YARS1: variants seen among roughly 807,000 people sequenced by gnomAD.
The protein encoded by YARS1 is tyrosyl-tRNA synthetase 1.
A neutral mutation model predicts 62.2 loss-of-function variants in YARS1; 36 were observed. The ratio of observed to expected loss-of-function variants is 0.58; its 90% CI spans 0.44 to 0.76. The LOEUF (loss-of-function observed/expected upper bound fraction) is 0.76. Among genes scored for constraint, YARS1 ranks in the 30% least tolerant of loss-of-function variants. The probability of loss-of-function intolerance (pLI) is 0.00; values close to 1 mark genes in which losing one functional copy is unlikely to be tolerated. For synonymous variants in YARS1, 234 were observed against 244.9 expected, an observed-to-expected ratio of 0.96 and a Z score of 0.42; for missense variants, 524 against 639.8, an observed-to-expected ratio of 0.82 and a Z score of 1.95.
intron 4 of YARS1, among the ~76,000 whole-genome samples, chr1:32,804,677 C>T (rs1638405831): frequency 6.6e-6 from 1 of 151,562 alleles, no homozygotes; most frequent in African/African-American, 2.4e-5. Flanking sequence ...AGACGATGGG[C>T]AGCCGGGCAG....
rs1469206669 is a variant in YARS1, at chr1:32,782,993, T to C, written c.907-454A>G. Reference sequence around the variant, plus strand: ...TGTGTGCGACTCCAAACTAGGCACATAACCCCTCTAAGCTTTGGCTGCTGC... The same window carrying C: ...TGTGTGCGACTCCAAACTAGGCACACAACCCCTCTAAGCTTTGGCTGCTGC... On this transcript the variant is annotated intron_variant, in intron 8 of 12. Transcript: ENST00000373477. 3 of 188,354 alleles carry C rather than the reference T, an allele frequency of 1.6e-5. No homozygotes were observed. The East Asian group carries it at 4.1e-4, about 26-fold the overall frequency. The allele number at this position is 188,354 out of a possible 1,614,324, so 11.7% of individuals were successfully genotyped here. A position where few individuals can be genotyped will look rare whatever the true frequency, so the allele number is the denominator to read the frequency against.
intron 1 of YARS1, among the ~76,000 whole-genome samples, chr1:32,815,035 T>TG (rs1638671765): frequency 6.6e-6 from 1 of 152,168 alleles, no homozygotes; most frequent in African/African-American, 2.4e-5. Flanking sequence ...TCCAAGAAGA[T>TG]GTCACATTAC....
chr1:32,780,977 G>A lies in YARS1; in HGVS notation c.1140+71C>T, dbSNP rs986311320. 2.1e-5 allele frequency: 30 copies of A among 1,438,786 alleles called. No individual in the cohort carries two copies. In the African/African-American group the frequency reaches 2.7e-4, roughly 13 times the overall value. The allele number at this position is 1,438,786 out of a possible 1,614,324, so 89.1% of individuals were successfully genotyped here. A position where few individuals can be genotyped will look rare whatever the true frequency, so the allele number is the denominator to read the frequency against. On this transcript the variant is annotated intron_variant, in intron 10 of 12. Coordinates refer to ENST00000373477, the MANE Select transcript of YARS1 (RefSeq NM_003680.4). ...ATGTTACTTCCCATCTCCAGGCCAC[G>A]TTTCCTCCGGATGGAAACAGACAAA... is the stretch of plus-strand genomic sequence containing the variant.
chr1:32,795,610 T>C (rs995254942), intron 5 of YARS1, among the ~76,000 whole-genome samples: 1 of 151,158 alleles, frequency 6.6e-6, no homozygotes, highest in African/African-American at 2.4e-5. Flanking sequence ...ATCAAGACCA[T>C]TCCTGGCCAA....
At chr1:32,804,140 T>G (rs1638380172) in intron 4 of YARS1, among the ~76,000 whole-genome samples, 1 of 152,264 alleles carries the variant, frequency 6.6e-6, no homozygotes, top group Non-Finnish European at 1.5e-5. Flanking sequence ...GTCTACCTCT[T>G]TCCACACAGA....
chr1:32,781,101 C>T lies in YARS1; in HGVS notation c.1087G>A (p.Val363Ile). 6.2e-7 allele frequency: 1 copy of T among 1,614,216 alleles called. No individual in the cohort carries two copies. Among genetic ancestry groups the T allele is most frequent in the Non-Finnish European group, 8.5e-7 (1 of 1,180,048 alleles). Residue 363 changes from valine to isoleucine, a missense_variant, in exon 10 of 13, where the codon GTC becomes ATC. Physicochemically the swap from Val to Ile is conservative, Grantham distance 29. Transcript: ENST00000373477. ...GPAKNSEPEE[V>I]IPSRLDIRVG... ...CGGATATCCAGCCGGGATGGGATGA[C>T]CTCCTCTGGTTCTGAATTCTTGGCA...
At chr1:32,816,223 C>A (rs533110318) in intron 1 of YARS1, among the ~76,000 whole-genome samples, 3 of 151,776 alleles carry the variant, frequency 2.0e-5, no homozygotes, top group East Asian at 3.9e-4. Context: ...TGAAGTACAT[C>A]TCTAAAAAGA....
intron 3 of YARS1, among the ~76,000 whole-genome samples, chr1:32,807,149 C>T (rs999337720): frequency 6.6e-6 from 1 of 152,160 alleles, no homozygotes; most frequent in South Asian, 2.1e-4. Flanking sequence ...ACAGACAGAC[C>T]CTGCATTCTC....
chr1:32,775,405 G>A lies in YARS1; in HGVS notation c.*576C>T, dbSNP rs1652811784. On this transcript the variant is annotated 3_prime_UTR_variant, in exon 13 of 13. Coordinates refer to ENST00000373477, the MANE Select transcript of YARS1 (RefSeq NM_003680.4). ...ATTTAGGGAGTGTCCCAGCCTAGCT[G>A]GATCAAGGGAAATTCCAGGAGCCCT... 6.4e-6 allele frequency: 1 copy of A among 157,238 alleles called. No homozygotes were observed. The highest frequency in any genetic ancestry group is 2.4e-5 in the African/African-American group (1 of 41,476). The allele number at this position is 157,238 out of a possible 1,614,324, so 9.7% of individuals were successfully genotyped here.
At chr1:32,795,834 T>C (rs1476818910) in intron 5 of YARS1, among the ~76,000 whole-genome samples, 1 of 151,892 alleles carries the variant, frequency 6.6e-6, no homozygotes, top group Non-Finnish European at 1.5e-5. Flanking sequence ...TTTTAGGCTT[T>C]ATGGGCCACA....
At chr1:32,795,805 CAAA>C (rs200173836) in intron 5 of YARS1, among the ~76,000 whole-genome samples, 8 of 74,414 alleles carry the variant, frequency 1.1e-4, no homozygotes, top group Admixed American at 1.4e-4. Flanking sequence ...GACTCCCTCT[CAAA>C]AAAAAAAAAA....
chr1:32,809,267 T>C (rs981164776), intron 3 of YARS1, among the ~76,000 whole-genome samples: 1 of 152,160 alleles, frequency 6.6e-6, no homozygotes, highest in Non-Finnish European at 1.5e-5. Context: ...TTTGTATTTT[T>C]AGTAGAGATG....
Position 32,788,877 on chromosome 1 carries a change from T to A in YARS1, c.685-1802A>T, listed in dbSNP as rs145092716. On this transcript the variant is annotated intron_variant, in intron 6 of 12. Transcript: ENST00000373477. Reference sequence around the variant, plus strand: ...GCTTGCTCTGTTGCCCTGGCTGGAGTGTGGTGGCACAATCATGGCCCACTG... The same window carrying A: ...GCTTGCTCTGTTGCCCTGGCTGGAGAGTGGTGGCACAATCATGGCCCACTG... Among the ~76,000 whole-genome samples, 342 of 152,158 alleles carry A rather than the reference T, an allele frequency of 2.2e-3. 1 individual carries two copies. Among genetic ancestry groups the A allele is most frequent in the African/African-American group, 7.7e-3 (321 of 41,502 alleles).
chr1:32,777,187 G>C (rs12027991), intron 12 of YARS1, among the ~76,000 whole-genome samples: 1 of 151,746 alleles, frequency 6.6e-6, no homozygotes, highest in African/African-American at 2.4e-5. Context: ...ACGCCACTGT[G>C]CCTGGCTAAT....
At chr1:32,807,882 A>G (rs1218620329) in intron 3 of YARS1, among the ~76,000 whole-genome samples, 1 of 152,098 alleles carries the variant, frequency 6.6e-6, no homozygotes, top group African/African-American at 2.4e-5. Flanking sequence ...TGCCTTTTCA[A>G]CTGATATCAA....
chr1:32,791,293 C>T (rs1653405716), intron 5 of YARS1, 39 bp from the exon 6 acceptor site: 1 of 1,541,490 alleles, frequency 6.5e-7, no homozygotes, highest in Non-Finnish European at 9.0e-7. Context: ...CGATATTAGT[C>T]TAAGTTCCTC....
In YARS1 at chr1:32,780,786, CA is replaced by C. The variant is rs1361543635; in HGVS notation, c.1140+261del. On this transcript the variant is annotated intron_variant, in intron 10 of 12. Coordinates refer to ENST00000373477, the MANE Select transcript of YARS1 (RefSeq NM_003680.4). ...GCCGATAGGGATCAGGTGAGTCTAT[CA>C]GACCAGATTTAACAGATAAACAAGT... 7.6e-6 allele frequency: 4 copies of C among 527,290 alleles called. No homozygotes were observed. In the African/African-American group the frequency reaches 7.7e-5, roughly 10 times the overall value. 32.7% of individuals were successfully genotyped at this position (527,290 alleles called of 1,614,324 possible).
chr1:32,792,559 A>G (rs1653444128), intron 5 of YARS1, among the ~76,000 whole-genome samples: 1 of 122,896 alleles, frequency 8.1e-6, no homozygotes, highest in Non-Finnish European at 1.8e-5. Flanking sequence ...ATATTGCAAT[A>G]AATAGACCAT....
chr1:32,817,156 C>T lies in YARS1; in HGVS notation c.57+32G>A, dbSNP rs1480062867. On this transcript the variant is annotated intron_variant, in intron 1 of 12. Coordinates refer to ENST00000373477, the MANE Select transcript of YARS1 (RefSeq NM_003680.4). Reference sequence around the variant, plus strand: ...TCACTGAACCTCGGGCTCCTAATCCCCAACGGCGCATTTCCAACCCCCAGG... The same window carrying T: ...TCACTGAACCTCGGGCTCCTAATCCTCAACGGCGCATTTCCAACCCCCAGG... The T allele has an allele frequency of 5.0e-6, 8 of 1,613,696 alleles. No homozygotes were observed. The East Asian group carries it at 1.6e-4, about 31-fold the overall frequency.
Sources: allele counts gnomAD v4.1 joint callset (sites outside exome capture counted in the v4.1 genomes callset), GRCh38; gene constraint gnomAD v4.1.1; transcripts MANE v1.5; gene names NCBI Gene and HGNC (gene_info 2026-07-23, HGNC 2026-07-21).